KDM1A: variants seen among roughly 807,000 people sequenced by gnomAD.
The protein encoded by KDM1A is lysine-specific histone demethylase 1A.
KDM1A carries 49 observed loss-of-function variants against 109.4 expected under a neutral mutation model. The observed-to-expected ratio is 0.45, with a 90% CI of 0.36 to 0.57. The LOEUF (loss-of-function observed/expected upper bound fraction) is 0.57. Among genes scored for constraint, KDM1A ranks in the 20% least tolerant of loss-of-function variants. The pLI, the probability that KDM1A is intolerant of heterozygous loss-of-function variation, is 0.00. For synonymous variants in KDM1A, 380 were observed against 415.4 expected, an observed-to-expected ratio of 0.91 and a Z score of 1.04; for missense variants, 668 against 1,116.6, an observed-to-expected ratio of 0.60 and a Z score of 5.73.
rs901325567 is a variant in KDM1A, at chr1:23,059,378, T to G, written c.1167+211T>G. The G allele has an allele frequency of 1.1e-5, 7 of 630,924 alleles. 1 individual carries two copies. The African/African-American group carries it at 1.3e-4, about 11-fold the overall frequency. 39.1% of individuals were successfully genotyped at this position (630,924 alleles called of 1,614,324 possible). The stretch of plus-strand genomic sequence containing the variant: ...ATTATTGTATATATACACATTTACC[T>G]GTCTGTTTAACATTTATCTTTAGAT... On this transcript the variant is annotated intron_variant, in intron 9 of 20. Transcript: ENST00000400181.
chr1:23,061,779 C>G (rs1007236437), intron 9 of KDM1A, among the ~76,000 whole-genome samples: 30 of 152,008 alleles, frequency 2.0e-4, no homozygotes, highest in Admixed American at 2.0e-3. Context: ...GCCTCAGCCT[C>G]CTGAGTAGCT....
chr1:23,064,580 A>G (rs1008138950), intron 9 of KDM1A, among the ~76,000 whole-genome samples: 11 of 152,216 alleles, frequency 7.2e-5, no homozygotes, highest in African/African-American at 2.4e-4. Context: ...ATAGGTGTAC[A>G]ATGTTTCTGA....
At position 23,077,481 on chromosome 1, in the gene KDM1A, T is replaced by C. The variant is rs1380449515; in HGVS notation, c.1867+121T>C. 4.8e-6 allele frequency: 5 copies of C among 1,043,748 alleles called. No individual in the cohort carries two copies. In the African/African-American group the frequency reaches 6.5e-5, roughly 13 times the overall value. The allele number at this position is 1,043,748 out of a possible 1,614,324, so 64.7% of individuals were successfully genotyped here. A position where few individuals can be genotyped will look rare whatever the true frequency, so the allele number is the denominator to read the frequency against. ...GTGTTTATGACACCATAGGTAAAAA[T>C]TGGCATTTATAGACAGTTGAGCCTA... On this transcript the variant is annotated intron_variant, in intron 16 of 20. Transcript: ENST00000400181.
intron 11 of KDM1A, among the ~76,000 whole-genome samples, 166 bp from the exon 12 acceptor site, chr1:23,068,895 C>CTATATT (rs752453413): frequency 2.1e-4 from 32 of 152,174 alleles, no homozygotes; most frequent in Admixed American, 3.9e-4. Flanking sequence ...TGGTATTATA[C>CTATATT]TATATTTAAC....
At position 23,019,499 on chromosome 1, in the gene KDM1A, G is replaced by A. The variant is rs1641535345; in HGVS notation, c.-98G>A. On this transcript the variant is annotated 5_prime_UTR_variant, in exon 1 of 21. Transcript: ENST00000400181. ...TGCGTACGCGACGGCGGTTGGCGGCGCGCGGGCAGCGTGAAGCGAGGCGAG... is the reference window on the plus strand; with the variant it reads ...TGCGTACGCGACGGCGGTTGGCGGCACGCGGGCAGCGTGAAGCGAGGCGAG... 5 of 1,298,066 alleles carry A rather than the reference G, an allele frequency of 3.9e-6. No homozygotes were observed. Among genetic ancestry groups the A allele is most frequent in the Admixed American group, 3.3e-5 (1 of 30,572 alleles). 80.4% of individuals were successfully genotyped at this position (1,298,066 alleles called of 1,614,324 possible).
chr1:23,048,306 G>A (rs888313719), intron 3 of KDM1A, among the ~76,000 whole-genome samples: 1 of 152,060 alleles, frequency 6.6e-6, no homozygotes, highest in Admixed American at 6.6e-5. Context: ...GGACATCAAA[G>A]CCATATAGTT....
In KDM1A at chr1:23,079,621, G is replaced by A. The variant is rs745597685; in HGVS notation, c.2124G>A (p.Thr708=). The change falls in exon 18 of 21, where the codon ACG becomes ACA. Residue 708 remains threonine, a synonymous_variant. Coordinates refer to ENST00000400181, the MANE Select transcript of KDM1A (RefSeq NM_001009999.3). This position sits in a 1 kb window ranked among gnomAD's most constrained non-coding sequence, Gnocchi z 5.6. ...ATTTGTTCGGGCATGTTGGCAGTACGACTGCCAGCAGGGGTGAGCTCTTCC... is the reference window on the plus strand; with the variant it reads ...ATTTGTTCGGGCATGTTGGCAGTACAACTGCCAGCAGGGGTGAGCTCTTCC... ...SVNLFGHVGS[T]TASRGELFLF... is the part of the protein sequence containing the mutation. 39 of 1,613,572 alleles carry A rather than the reference G, an allele frequency of 2.4e-5. No homozygotes were observed. Among genetic ancestry groups the A allele is most frequent in the Admixed American group, 3.3e-5 (2 of 59,986 alleles).
rs1553127465 is a variant in KDM1A, at chr1:23,042,440, A to ATTATTATTATTATTT, written c.518-1985_518-1984insATTATTATTATTTTT. On this transcript the variant is annotated intron_variant, in intron 2 of 20. Coordinates refer to ENST00000400181, the MANE Select transcript of KDM1A (RefSeq NM_001009999.3). ...TTTTTAAAAATCTATGAAATATATT[A>ATTATTATTATTATTT]TTTTTTTTTTTTTTTTTTTTTTTTT... Among the ~76,000 whole-genome samples the ATTATTATTATTATTT allele has an allele frequency of 6.5e-3, 140 of 21,582 alleles. 10 individuals are homozygous for ATTATTATTATTATTT. The highest frequency in any genetic ancestry group is 9.2e-3 in the Non-Finnish European group (102 of 11,136). The allele number at this position is 21,582 out of a possible 152,430, so 14.2% of individuals were successfully genotyped here. A position where few individuals can be genotyped will look rare whatever the true frequency, so the allele number is the denominator to read the frequency against.
chr1:23,077,170 G>C (rs1255203430), intron 15 of KDM1A, 58 bp from the exon 16 acceptor site: 10 of 1,547,628 alleles, frequency 6.5e-6, no homozygotes, highest in Non-Finnish European at 8.0e-6. Flanking sequence ...ACAGAACTAG[G>C]TGCAAATGAC....
At chr1:23,064,916 T>A (rs1450988468) in intron 9 of KDM1A, among the ~76,000 whole-genome samples, 1 of 152,216 alleles carries the variant, frequency 6.6e-6, no homozygotes, top group Non-Finnish European at 1.5e-5. Context: ...CAAAATCTGT[T>A]TAAAGTGATG....
chr1:23,076,352 T>A (rs1302698302), intron 15 of KDM1A, among the ~76,000 whole-genome samples: 2 of 152,184 alleles, frequency 1.3e-5, no homozygotes, highest in Non-Finnish European at 2.9e-5. Context: ...ACTTTTTTTT[T>A]ACTGTATGGA....
chr1:23,082,129 G>T (rs1643637408), intron 19 of KDM1A, 91 bp from the exon 20 acceptor site: 1 of 1,377,132 alleles, frequency 7.3e-7, no homozygotes. Context: ...CTCTTCACTT[G>T]CATCTCCACC....
chr1:23,024,707 G>A (rs746118634), intron 1 of KDM1A, among the ~76,000 whole-genome samples: 6 of 152,212 alleles, frequency 3.9e-5, no homozygotes, highest in Non-Finnish European at 5.9e-5. Flanking sequence ...CTTGAGCTAG[G>A]CCATGAAATG....
Position 23,059,623 on chromosome 1 carries a change from T to C in KDM1A, c.1167+456T>C, listed in dbSNP as rs117511254. Among the ~76,000 whole-genome samples the C allele has an allele frequency of 1.9e-3, 297 of 152,356 alleles. 1 individual carries two copies. The highest frequency in any genetic ancestry group is 0.012 in the East Asian group (63 of 5,184). ...AAATGGTGGTACTTACTCACATGCT[T>C]AGATAGGCTAAAGTATTTATTGACC... is the stretch of plus-strand genomic sequence containing the variant. On this transcript the variant is annotated intron_variant, in intron 9 of 20. Transcript: ENST00000400181.
At chr1:23,048,538 G>T (rs2124444399) in intron 3 of KDM1A, among the ~76,000 whole-genome samples, 1 of 152,192 alleles carries the variant, frequency 6.6e-6, no homozygotes, top group South Asian at 2.1e-4. Flanking sequence ...GAGACACAAT[G>T]TTTATGTCCT....
At chr1:23,046,438 C>G (rs1398384709) in intron 3 of KDM1A, among the ~76,000 whole-genome samples, 1 of 151,950 alleles carries the variant, frequency 6.6e-6, no homozygotes, top group Non-Finnish European at 1.5e-5. Context: ...TATTTTCACG[C>G]TAGAAATCTA....
At chr1:23,061,722 T>C (rs1345084558) in intron 9 of KDM1A, among the ~76,000 whole-genome samples, 1 of 151,252 alleles carries the variant, frequency 6.6e-6, no homozygotes, top group Non-Finnish European at 1.5e-5. Context: ...AGTGGCACAA[T>C]CTTGACTCAC....
intron 2 of KDM1A, among the ~76,000 whole-genome samples, chr1:23,036,591 T>C (rs374043695): frequency 1.6e-4 from 24 of 152,142 alleles, no homozygotes; most frequent in Admixed American, 1.1e-3. Flanking sequence ...AGAATTCTTA[T>C]GTTCTTATAT....
intron 9 of KDM1A, among the ~76,000 whole-genome samples, chr1:23,059,920 A>G (rs991770365): frequency 2.0e-5 from 3 of 152,114 alleles, no homozygotes; most frequent in Admixed American, 6.5e-5. Context: ...CGGTGGGTTT[A>G]GCTATTCTTA....
Sources: allele counts gnomAD v4.1 joint callset (sites outside exome capture counted in the v4.1 genomes callset), GRCh38; gene constraint gnomAD v4.1.1; non-coding constraint Gnocchi (gnomAD v3.1); transcripts MANE v1.5; gene names NCBI Gene and HGNC (gene_info 2026-07-23, HGNC 2026-07-21).